CNTN5: variants seen among roughly 807,000 people sequenced by gnomAD.
CNTN5 encodes contactin-5.
In CNTN5, 77 loss-of-function variants were observed where a neutral mutation model predicts 129.1. The ratio of observed to expected loss-of-function variants is 0.60; its 90% CI spans 0.50 to 0.72. CNTN5 has a LOEUF of 0.72. CNTN5 is among the 30% of genes least tolerant of loss of function. The pLI, the probability that CNTN5 is intolerant of heterozygous loss-of-function variation, is 0.00. For synonymous variants in CNTN5, 509 were observed against 465.6 expected, an observed-to-expected ratio of 1.09 and a Z score of -1.20; for missense variants, 1,478 against 1,328.8, an observed-to-expected ratio of 1.11 and a Z score of -1.75.
intron 1 of CNTN5, among the ~76,000 whole-genome samples, chr11:99,102,998 G>GAAGGCAA (rs969240008): frequency 6.6e-6 from 1 of 152,128 alleles, no homozygotes; most frequent in African/African-American, 2.4e-5. Flanking sequence ...AGTCATGGCA[G>GAAGGCAA]AAGGCAAAAG....
At chr11:100,000,535 G>T (rs1014643079) in intron 8 of CNTN5, among the ~76,000 whole-genome samples, 10 of 152,190 alleles carry the variant, frequency 6.6e-5, no homozygotes, top group Non-Finnish European at 1.2e-4. Flanking sequence ...GCCGTTGAGT[G>T]CCTATGGCTT....
At chr11:99,770,730 C>A (rs1481825476) in intron 3 of CNTN5, among the ~76,000 whole-genome samples, 1 of 151,934 alleles carries the variant, frequency 6.6e-6, no homozygotes, top group Non-Finnish European at 1.5e-5. Flanking sequence ...TGTTTTCTTA[C>A]TATCCAAAGT....
chr11:100,169,063 T>A (rs1376180480), intron 13 of CNTN5, among the ~76,000 whole-genome samples: 2 of 151,962 alleles, frequency 1.3e-5, no homozygotes, highest in Non-Finnish European at 2.9e-5. Flanking sequence ...TGATAAAAGT[T>A]GAAGGGATGA....
At chr11:100,093,652 A>AT (rs1318566401) in intron 13 of CNTN5, among the ~76,000 whole-genome samples, 10 of 151,924 alleles carry the variant, frequency 6.6e-5, no homozygotes, top group Admixed American at 6.6e-5. Context: ...GGGTTCTCTA[A>AT]TTTTTTCTAC....
intron 3 of CNTN5, among the ~76,000 whole-genome samples, chr11:99,680,670 T>C (rs1170151262): frequency 1.3e-5 from 2 of 151,854 alleles, no homozygotes; most frequent in African/African-American, 4.8e-5. Context: ...CCATGAATCT[T>C]GAATGTTCTT....
At chr11:99,653,949 C>G (rs955620242) in intron 3 of CNTN5, among the ~76,000 whole-genome samples, 3 of 151,594 alleles carry the variant, frequency 2.0e-5, no homozygotes, top group Non-Finnish European at 2.9e-5. Flanking sequence ...CCAAAGCAGT[C>G]AGTCAAGGCA....
chr11:100,255,712 C>T (rs757579441), intron 16 of CNTN5, 48 bp from the exon 17 acceptor site: 2 of 1,525,134 alleles, frequency 1.3e-6, no homozygotes, highest in South Asian at 2.3e-5. Flanking sequence ...TCTCATGGCT[C>T]CTGATAATAA....
chr11:99,205,236 T>C (rs1859419839), intron 1 of CNTN5, among the ~76,000 whole-genome samples: 1 of 152,180 alleles, frequency 6.6e-6, no homozygotes, highest in African/African-American at 2.4e-5. Context: ...CTGAATAGTA[T>C]TAAAATTCCC....
At chr11:99,381,169 AAC>A in intron 2 of CNTN5, among the ~76,000 whole-genome samples, 1 of 152,316 alleles carries the variant, frequency 6.6e-6, no homozygotes, top group South Asian at 2.1e-4. Flanking sequence ...GGAAAAAAAA[AAC>A]AAACCAAATT....
At chr11:99,881,163 AT>A (rs1218627542) in intron 6 of CNTN5, among the ~76,000 whole-genome samples, 1 of 152,124 alleles carries the variant, frequency 6.6e-6, no homozygotes, top group Non-Finnish European at 1.5e-5. Flanking sequence ...GATGAGTGAG[AT>A]TTTTTTCTGT....
At chr11:99,914,146 AG>A (rs1331510051) in intron 6 of CNTN5, among the ~76,000 whole-genome samples, 1 of 152,056 alleles carries the variant, frequency 6.6e-6, no homozygotes, top group East Asian at 1.9e-4. Flanking sequence ...CTGAGACTGG[AG>A]GATTTCTTGA....
chr11:99,968,787 G>A (rs562001671), intron 8 of CNTN5, among the ~76,000 whole-genome samples: 68 of 145,834 alleles, frequency 4.7e-4, no homozygotes, highest in Non-Finnish European at 8.5e-4. Context: ...TTTCAATTAT[G>A]GATAGTTCTA....
intron 2 of CNTN5, among the ~76,000 whole-genome samples, chr11:99,488,086 T>A (rs1282098179): frequency 1.3e-5 from 2 of 152,148 alleles, no homozygotes; most frequent in African/African-American, 4.8e-5. Context: ...GAAAGATTAT[T>A]TCTTATTTAT....
chr11:99,422,554 A>ATC (rs1942949125), intron 2 of CNTN5, among the ~76,000 whole-genome samples: 1 of 107,776 alleles, frequency 9.3e-6, no homozygotes, highest in African/African-American at 3.1e-5. Flanking sequence ...ATATATATAT[A>ATC]TATATATCTG....
At chr11:99,524,362 T>G (rs533594623) in intron 2 of CNTN5, among the ~76,000 whole-genome samples, 1 of 152,244 alleles carries the variant, frequency 6.6e-6, no homozygotes, top group Non-Finnish European at 1.5e-5. Flanking sequence ...TTCAACATTT[T>G]ATATCTTTGT....
At chr11:99,103,784 A>G (rs1193156743) in intron 1 of CNTN5, among the ~76,000 whole-genome samples, 1 of 150,656 alleles carries the variant, frequency 6.6e-6, no homozygotes, top group Non-Finnish European at 1.5e-5. Flanking sequence ...AAAAAGATGT[A>G]GATAGAGAAA....
At chr11:99,577,918 G>T (rs1949414187) in intron 3 of CNTN5, among the ~76,000 whole-genome samples, 1 of 151,482 alleles carries the variant, frequency 6.6e-6, no homozygotes, top group African/African-American at 2.4e-5. Context: ...ATGTTGGTGT[G>T]CTGCACCCAT....
At chr11:100,325,753 T>C (rs1468469164) in intron 21 of CNTN5, among the ~76,000 whole-genome samples, 1 of 152,170 alleles carries the variant, frequency 6.6e-6, no homozygotes, top group Non-Finnish European at 1.5e-5. Context: ...GGAGATAAAG[T>C]CTAGAAATGG....
chr11:100,055,966 T>C (rs1050195859), intron 9 of CNTN5, among the ~76,000 whole-genome samples: 2 of 151,592 alleles, frequency 1.3e-5, no homozygotes, highest in African/African-American at 4.8e-5. Flanking sequence ...ATTTATGTAT[T>C]TTCTGTCTCC....
Sources: allele counts gnomAD v4.1 joint callset (sites outside exome capture counted in the v4.1 genomes callset), GRCh38; gene constraint gnomAD v4.1.1; transcripts MANE v1.5; gene names NCBI Gene and HGNC (gene_info 2026-07-23, HGNC 2026-07-21).